ZDHHC2: variants seen among roughly 807,000 people sequenced by gnomAD.
The protein encoded by ZDHHC2 is palmitoyltransferase ZDHHC2.
In ZDHHC2, 51 loss-of-function variants were observed where a neutral mutation model predicts 55.6. The observed-to-expected ratio is 0.92, with a 90% confidence interval of 0.73 to 1.16. The LOEUF is 1.16. Ranked by LOEUF, ZDHHC2 falls within the 50% of genes most tolerant of loss-of-function variation. The probability of loss-of-function intolerance (pLI) is 0.00; values close to 1 mark genes in which losing one functional copy is unlikely to be tolerated. For synonymous variants in ZDHHC2, 199 were observed against 152.9 expected (o/e 1.30, Z -2.22); for missense variants, 491 against 442.4 (o/e 1.11, Z -0.99).
rs906794234 is a variant in ZDHHC2 at position 17,223,885 on chromosome 8, T to C, written c.*3664T>C. The C allele has an allele frequency of 6.6e-6, 1 of 151,916 alleles. No individual in the cohort carries two copies. Among genetic ancestry groups the C allele is most frequent in the Admixed American group, 6.6e-5 (1 of 15,234 alleles). 9.4% of individuals were successfully genotyped at this position (151,916 alleles called of 1,614,324 possible). On this transcript the variant is annotated 3_prime_UTR_variant, in exon 13 of 13. Transcript: ENST00000262096. ...CCATAAGATTTTTTTATTGTAGTAG[T>C]GCCCTGGCTTGTAAACAGTGGACAT...
intron 1 of ZDHHC2, among the ~76,000 whole-genome samples, chr8:17,158,295 T>C (rs1307044594): frequency 6.6e-6 from 1 of 152,236 alleles, no homozygotes; most frequent in Admixed American, 6.5e-5. Flanking sequence ...TTGGGAACCT[T>C]TGTTGTGTTT....
At chr8:17,201,555 C>T (rs1318183563) in intron 6 of ZDHHC2, among the ~76,000 whole-genome samples, 4 of 123,396 alleles carry the variant, frequency 3.2e-5, no homozygotes, top group South Asian at 2.7e-4. Flanking sequence ...TGTGGTGGTG[C>T]GATCTTGGCT....
chr8:17,161,551 C>T (rs568572476), intron 1 of ZDHHC2, among the ~76,000 whole-genome samples: 62 of 152,314 alleles, frequency 4.1e-4, no homozygotes, highest in Admixed American at 1.6e-3. Flanking sequence ...TTAACGCCTA[C>T]GTCACCTTAG....
chr8:17,182,929 T>A (rs933284014), intron 1 of ZDHHC2, among the ~76,000 whole-genome samples: 1 of 152,098 alleles, frequency 6.6e-6, no homozygotes, highest in African/African-American at 2.4e-5. Flanking sequence ...CCTGATTAAT[T>A]TTCTGTATTT....
chr8:17,224,449 T>C lies in ZDHHC2; in HGVS notation c.*4228T>C, dbSNP rs1287294245. The C allele has an allele frequency of 3.3e-5, 5 of 151,622 alleles. No individual in the cohort carries two copies. The highest frequency in any genetic ancestry group is 1.2e-4 in the African/African-American group (5 of 41,406). The allele number at this position is 151,622 out of a possible 1,614,324, so 9.4% of individuals were successfully genotyped here. On this transcript the variant is annotated 3_prime_UTR_variant, in exon 13 of 13. Transcript: ENST00000262096. The stretch of plus-strand genomic sequence containing the variant: ...CTAGTTCCCTTTTGCTCAGGAAAAA[T>C]AGTACTACTTTATGGTTTATGAAAA...
At position 17,223,445 on chromosome 8, in the gene ZDHHC2, T is replaced by G. The variant is rs1393991625; in HGVS notation, c.*3224T>G. ...AAATAACACGTGTTTAATATCTTTCTGCAGAAACGTGTTCTTCTAAAGCAG... is the reference window on the plus strand; with the variant it reads ...AAATAACACGTGTTTAATATCTTTCGGCAGAAACGTGTTCTTCTAAAGCAG... On this transcript the variant is annotated 3_prime_UTR_variant, in exon 13 of 13. Transcript: ENST00000262096. 6.6e-6 allele frequency: 1 copy of G among 151,942 alleles called. No homozygotes were observed. The highest frequency in any genetic ancestry group is 1.5e-5 in the Non-Finnish European group (1 of 67,824). The allele number at this position is 151,942 out of a possible 1,614,324, so 9.4% of individuals were successfully genotyped here. A position where few individuals can be genotyped will look rare whatever the true frequency, so the allele number is the denominator to read the frequency against.
At chr8:17,207,535 G>C (rs1471301162) in intron 7 of ZDHHC2, among the ~76,000 whole-genome samples, 1 of 152,140 alleles carries the variant, frequency 6.6e-6, no homozygotes, top group Non-Finnish European at 1.5e-5. Flanking sequence ...TAGCCAAATT[G>C]TGCCAGTTAG....
intron 2 of ZDHHC2, among the ~76,000 whole-genome samples, chr8:17,186,090 A>G (rs1233309809): frequency 2.0e-5 from 3 of 152,216 alleles, no homozygotes; most frequent in Non-Finnish European, 2.9e-5. Flanking sequence ...CTGTCTACAG[A>G]TGGGAGGCTT....
At chr8:17,215,463 C>A in intron 11 of ZDHHC2, 114 bp downstream of exon 11, 1 of 808,108 alleles carries the variant, frequency 1.2e-6, no homozygotes, top group Non-Finnish European at 2.0e-6. Context: ...TGGAGTCAGA[C>A]TTCTATTCTA....
At chr8:17,201,383 T>C (rs1806753263) in intron 6 of ZDHHC2, among the ~76,000 whole-genome samples, 1 of 151,970 alleles carries the variant, frequency 6.6e-6, no homozygotes, top group Admixed American at 6.6e-5. Flanking sequence ...AAAATCTTTT[T>C]CTACAGGCTT....
chr8:17,189,743 A>G (rs958585668), intron 3 of ZDHHC2, among the ~76,000 whole-genome samples: 1 of 152,238 alleles, frequency 6.6e-6, no homozygotes, highest in Admixed American at 6.5e-5. Context: ...AAGAAAGAAC[A>G]CAGCATTGAA....
At chr8:17,211,513 C>A (rs1235762286) in intron 10 of ZDHHC2, among the ~76,000 whole-genome samples, 3 of 152,072 alleles carry the variant, frequency 2.0e-5, no homozygotes, top group Admixed American at 1.3e-4. Context: ...AGTTTTGAGA[C>A]AGGGTCTCTC....
chr8:17,223,481 G>C lies in ZDHHC2; in HGVS notation c.*3260G>C, dbSNP rs1808001577. The stretch of plus-strand genomic sequence containing the variant: ...GTTCTTCTAAAGCAGAAAACCACGT[G>C]GCTTAATCCCAAATGTTTTACACTT... On this transcript the variant is annotated 3_prime_UTR_variant, in exon 13 of 13. Transcript: ENST00000262096. The C allele has an allele frequency of 6.6e-6, 1 of 151,776 alleles. No homozygotes were observed. The highest frequency in any genetic ancestry group is 1.5e-5 in the Non-Finnish European group (1 of 67,760). 9.4% of individuals were successfully genotyped at this position (151,776 alleles called of 1,614,324 possible). A position where few individuals can be genotyped will look rare whatever the true frequency, so the allele number is the denominator to read the frequency against.
At chr8:17,183,983 G>T (rs905688820) in intron 1 of ZDHHC2, among the ~76,000 whole-genome samples, 1 of 152,098 alleles carries the variant, frequency 6.6e-6, no homozygotes, top group African/African-American at 2.4e-5. Context: ...AAGGCCTGAG[G>T]TCCCGTGCCC....
Position 17,224,539 on chromosome 8 carries a change from A to T in ZDHHC2, c.*4318A>T, listed in dbSNP as rs1172203520. On this transcript the variant is annotated 3_prime_UTR_variant, in exon 13 of 13. Coordinates refer to ENST00000262096, the MANE Select transcript of ZDHHC2 (RefSeq NM_016353.5). The stretch of plus-strand genomic sequence containing the variant: ...GTACAAGGAGCTGAATCCTACCTGA[A>T]ATTATTAATGCTTAATATATTGCTT... The T allele has an allele frequency of 6.6e-6, 1 of 151,770 alleles. No individual in the cohort carries two copies. The highest frequency in any genetic ancestry group is 1.5e-5 in the Non-Finnish European group (1 of 67,724). 9.4% of individuals were successfully genotyped at this position (151,770 alleles called of 1,614,324 possible). A position where few individuals can be genotyped will look rare whatever the true frequency, so the allele number is the denominator to read the frequency against.
Position 17,224,605 on chromosome 8 carries a change from A to C in ZDHHC2, c.*4384A>C, listed in dbSNP as rs1050590909. 9 of 151,688 alleles carry C rather than the reference A, an allele frequency of 5.9e-5. No homozygotes were observed. Among genetic ancestry groups the C allele is most frequent in the African/African-American group, 2.2e-4 (9 of 41,392 alleles). 9.4% of individuals were successfully genotyped at this position (151,688 alleles called of 1,614,324 possible). A position where few individuals can be genotyped will look rare whatever the true frequency, so the allele number is the denominator to read the frequency against. On this transcript the variant is annotated 3_prime_UTR_variant, in exon 13 of 13. Transcript: ENST00000262096. ...AGGTGCTTAATCAATTGAAAAAAAA[A>C]CGCATAATGCTTCAAGGTAAAATTC... is the stretch of plus-strand genomic sequence containing the variant.
chr8:17,209,659 AT>A (rs2150943880), intron 8 of ZDHHC2, among the ~76,000 whole-genome samples: 1 of 152,262 alleles, frequency 6.6e-6, no homozygotes, highest in African/African-American at 2.4e-5. Flanking sequence ...GTTTTAGTTT[AT>A]TTGCTAGTTT....
chr8:17,165,873 TGGAGAAATA>T (rs1342628510), intron 1 of ZDHHC2, among the ~76,000 whole-genome samples: 1 of 152,200 alleles, frequency 6.6e-6, no homozygotes, highest in African/African-American at 2.4e-5. Context: ...GCGGGTATTG[TGGAGAAATA>T]TATCTCCGGC....
intron 1 of ZDHHC2, among the ~76,000 whole-genome samples, chr8:17,169,603 G>A (rs774406461): frequency 6.6e-6 from 1 of 152,192 alleles, no homozygotes; most frequent in Non-Finnish European, 1.5e-5. Flanking sequence ...ACATGTGAGT[G>A]CATGGTGTCA....
Sources: allele counts gnomAD v4.1 joint callset (sites outside exome capture counted in the v4.1 genomes callset), GRCh38; gene constraint gnomAD v4.1.1; transcripts MANE v1.5; gene names NCBI Gene and HGNC (gene_info 2026-07-23, HGNC 2026-07-21).